BRK1: variants seen among roughly 807,000 people sequenced by gnomAD.
The protein encoded by BRK1 is protein BRICK1.
In BRK1, 6 loss-of-function variants were observed where a neutral mutation model predicts 9.9. The observed-to-expected ratio is 0.60, with a 90% CI of 0.33 to 1.19. The LOEUF is 1.19. Among genes scored for constraint, BRK1 ranks in the 50% most tolerant of loss-of-function variants. The pLI, the probability that BRK1 is intolerant of heterozygous loss-of-function variation, is 0.04. For synonymous variants in BRK1, 44 were observed against 31.9 expected, an observed-to-expected ratio of 1.38 and a Z score of -1.28; for missense variants, 62 against 97.5, an observed-to-expected ratio of 0.64 and a Z score of 1.53.
rs771216161 is a variant in BRK1, at chr3:10,115,713, G to A, written c.12G>A (p.Gln4=). The stretch of plus-strand genomic sequence containing the variant: ...CTCAGGCGGCGGCCATGGCGGGACA[G>A]GAGGATCCGGTGCAGCGGGAGATTC... MAG[Q]EDPVQREIHQ... The change falls in exon 1 of 3, where the codon CAG becomes CAA. Residue 4 remains glutamine, a synonymous_variant. Transcript: ENST00000530758. 27 of 1,612,988 alleles carry A rather than the reference G, an allele frequency of 1.7e-5. No individual in the cohort carries two copies. The South Asian group carries it at 2.4e-4, about 14-fold the overall frequency.
At chr3:10,120,974 A>G (rs1405869902) in intron 1 of BRK1, among the ~76,000 whole-genome samples, 2 of 152,130 alleles carry the variant, frequency 1.3e-5, no homozygotes, top group East Asian at 3.8e-4. Flanking sequence ...TCAGACTTCC[A>G]AAAACCAGAC....
intron 1 of BRK1, among the ~76,000 whole-genome samples, chr3:10,117,376 G>A (rs1354292996): frequency 2.0e-5 from 3 of 150,880 alleles, no homozygotes; most frequent in Non-Finnish European, 4.4e-5. Context: ...GACTTTATTT[G>A]GGCTTTTCAA....
At chr3:10,121,563 A>G (rs907720016) in intron 1 of BRK1, among the ~76,000 whole-genome samples, 1 of 152,020 alleles carries the variant, frequency 6.6e-6, no homozygotes, top group African/African-American at 2.4e-5. Flanking sequence ...TTTTCAGTCA[A>G]CATCTATGTA....
intron 1 of BRK1, among the ~76,000 whole-genome samples, chr3:10,118,332 A>G (rs1172465208): frequency 6.6e-6 from 1 of 152,056 alleles, no homozygotes; most frequent in Non-Finnish European, 1.5e-5. Flanking sequence ...AAACTGGATA[A>G]ATTAAATTAT....
At chr3:10,122,094 T>G (rs1695765249) in intron 1 of BRK1, among the ~76,000 whole-genome samples, 1 of 151,130 alleles carries the variant, frequency 6.6e-6, no homozygotes, top group African/African-American at 2.4e-5. Flanking sequence ...TCTTTTTTTT[T>G]TGTATTTTTA....
At chr3:10,124,418 T>C (rs1695808091) in intron 1 of BRK1, among the ~76,000 whole-genome samples, 1 of 151,008 alleles carries the variant, frequency 6.6e-6, no homozygotes, top group Non-Finnish European at 1.5e-5. Context: ...CAAGATTGCG[T>C]CACTGCACTC....
intron 1 of BRK1, among the ~76,000 whole-genome samples, chr3:10,116,518 C>T (rs564262638): frequency 6.6e-6 from 1 of 152,320 alleles, no homozygotes; most frequent in East Asian, 1.9e-4. Flanking sequence ...TTACCAGAAT[C>T]TTTCCTAGGC....
rs892983000 is a variant in BRK1 at position 10,126,450 on chromosome 3, A to G, written c.*155A>G. On this transcript the variant is annotated 3_prime_UTR_variant, in exon 3 of 3. Transcript: ENST00000530758. ...AAAAGTGTGGCCTTTGGGCTCTGCC[A>G]TCTGGGGTGTGGTGTGGTATGTGGG... The G allele has an allele frequency of 2.2e-5, 14 of 641,428 alleles. No homozygotes were observed. The highest frequency in any genetic ancestry group is 2.9e-5 in the Non-Finnish European group (11 of 381,620). The allele number at this position is 641,428 out of a possible 1,614,324, so 39.7% of individuals were successfully genotyped here.
chr3:10,126,196 C>A, intron 2 of BRK1, 73 bp from the exon 3 acceptor site: 2 of 1,120,894 alleles, frequency 1.8e-6, no homozygotes, highest in South Asian at 1.8e-5. Context: ...TGCCTAGGAT[C>A]TAAAGATTTT....
chr3:10,116,946 T>G (rs1236084431), intron 1 of BRK1, among the ~76,000 whole-genome samples: 1 of 152,178 alleles, frequency 6.6e-6, no homozygotes. Context: ...ACAGGGTGTT[T>G]AGGACTATAA....
chr3:10,115,937 C>G, intron 1 of BRK1, 118 bp downstream of exon 1: 2 of 772,502 alleles, frequency 2.6e-6, no homozygotes, highest in South Asian at 3.2e-5. Flanking sequence ...CGGGTTTTCA[C>G]TTCCTCCTTC....
intron 1 of BRK1, among the ~76,000 whole-genome samples, chr3:10,119,929 G>C (rs1402046659): frequency 4.6e-5 from 7 of 152,038 alleles, no homozygotes; most frequent in Admixed American, 4.6e-4. Context: ...CTGTGAGAAA[G>C]GAATAAATAT....
intron 1 of BRK1, among the ~76,000 whole-genome samples, chr3:10,117,160 G>A (rs1241087783): frequency 1.3e-5 from 2 of 152,140 alleles, no homozygotes; most frequent in Non-Finnish European, 2.9e-5. Flanking sequence ...TGAGACAGGA[G>A]GATCACTTGA....
intron 1 of BRK1, among the ~76,000 whole-genome samples, chr3:10,118,809 A>G (rs1450169303): frequency 1.3e-5 from 2 of 151,986 alleles, no homozygotes; most frequent in Non-Finnish European, 2.9e-5. Flanking sequence ...TATTGCGATA[A>G]AAGTTATACA....
rs150909838 is a variant in BRK1 at position 10,124,627 on chromosome 3, C to T, written c.119-999C>T. On this transcript the variant is annotated intron_variant, in intron 1 of 2. Transcript: ENST00000530758. Reference sequence around the variant, plus strand: ...TTGGCCTTCTGAAGTATTAGGATTACAGGCATGAGTCACTGCTCCTGGCCT... The same window carrying T: ...TTGGCCTTCTGAAGTATTAGGATTATAGGCATGAGTCACTGCTCCTGGCCT... Among the ~76,000 whole-genome samples, 7 of 152,306 alleles carry T rather than the reference C, an allele frequency of 4.6e-5. No homozygotes were observed. In the East Asian group the frequency reaches 1.3e-3, roughly 29 times the overall value.
At chr3:10,118,494 AT>A (rs946954352) in intron 1 of BRK1, among the ~76,000 whole-genome samples, 21 of 147,250 alleles carry the variant, frequency 1.4e-4, no homozygotes, top group South Asian at 6.5e-4. Flanking sequence ...TTACAGGTAG[AT>A]TTTTTTTTTT....
chr3:10,123,601 AT>A lies in BRK1; in HGVS notation c.119-2019del, dbSNP rs60443069. Among the ~76,000 whole-genome samples, 144,465 of 144,760 alleles carry A rather than the reference AT, an allele frequency of 1. 72,085 individuals carry two copies. The highest frequency in any genetic ancestry group is 1 in the Non-Finnish European group (66,128 of 66,206). The allele number at this position is 144,760 out of a possible 152,430, so 95.0% of individuals were successfully genotyped here. A position where few individuals can be genotyped will look rare whatever the true frequency, so the allele number is the denominator to read the frequency against. On this transcript the variant is annotated intron_variant, in intron 1 of 2. Transcript: ENST00000530758. The stretch of plus-strand genomic sequence containing the variant: ...AGGCGCCCGCCACCACACCCGGCTA[AT>A]TTTTTGTATTTTTAATAGAGACGGG...
At chr3:10,125,490 A>G (rs1257309987) in intron 1 of BRK1, 136 bp from the exon 2 acceptor site, 5 of 582,686 alleles carry the variant, frequency 8.6e-6, no homozygotes, top group South Asian at 6.1e-5. Flanking sequence ...CAACTGTGCT[A>G]TGAGTGGATC....
chr3:10,121,350 AC>A (rs1382186205), intron 1 of BRK1, among the ~76,000 whole-genome samples: 1 of 152,152 alleles, frequency 6.6e-6, no homozygotes, highest in Admixed American at 6.5e-5. Flanking sequence ...TGGGCTGGAG[AC>A]CTGGGGTATA....
Sources: gnomAD v4.1 joint callset for allele counts (sites outside exome capture counted in the v4.1 genomes callset) on GRCh38, gnomAD v4.1.1 for gene constraint, MANE v1.5 for transcripts, NCBI Gene and HGNC (gene_info 2026-07-23, HGNC 2026-07-21) for gene names.